Variants in PINLYP observed in about 807,000 individuals in gnomAD.
The protein encoded by PINLYP is phospholipase A2 inhibitor and LY6/PLAUR domain containing, also known as phospholipase A2 inhibitor and Ly6/PLAUR domain-containing protein.
In PINLYP, 12 loss-of-function variants were observed where a neutral mutation model predicts 15.8. The observed-to-expected ratio is 0.76, with a 90% CI of 0.49 to 1.23. The LOEUF is 1.23. Among genes scored for constraint, PINLYP ranks in the 50% most tolerant of loss-of-function variants. PINLYP has a pLI of 0.00. For missense variants in PINLYP, 278 were observed against 264.2 expected (o/e 1.05, Z -0.36); for synonymous variants, 93 against 97.7 (o/e 0.95, Z 0.28).
exon 5 of PINLYP, chr19:43,581,602 C>G (rs550204141): frequency 1.6e-5 from 25 of 1,536,610 alleles, no homozygotes; most frequent in Non-Finnish European, 2.2e-5. Context: ...CTGATGTGCC[C>G]CGCCTGCACT....
At chr19:43,580,849 C>T (rs911564899) in intron 3 of PINLYP, among the ~76,000 whole-genome samples, 45 of 152,132 alleles carry the variant, frequency 3.0e-4, no homozygotes, top group African/African-American at 1.1e-3. Context: ...CGCCTGTAAT[C>T]CCAGCACTTT....
intron 3 of PINLYP, chr19:43,580,696 C>G (rs1489593914): frequency 1.0e-6 from 1 of 985,684 alleles, no homozygotes; most frequent in Non-Finnish European, 1.2e-6. Flanking sequence ...TGGAAGAGAC[C>G]ACCAAAGGCC....
upstream of PINLYP, chr19:43,575,514 G>T (rs778792897): frequency 1.0e-5 from 16 of 1,577,048 alleles, no homozygotes; most frequent in African/African-American, 2.0e-4. Flanking sequence ...TGGGGTCCGA[G>T]GGGCAGGGAG....
At chr19:43,577,171 G>C (rs1972875863) in exon 2 of PINLYP, 1 of 1,536,060 alleles carries the variant, frequency 6.5e-7, no homozygotes, top group African/African-American at 1.4e-5. Context: ...CTGGGGACCA[G>C]GTACTGCTGA....
In PINLYP at chr19:43,577,270, C is replaced by T. The variant is rs1468314842; in HGVS notation, c.70+9C>T. 2.6e-5 allele frequency: 40 copies of T among 1,535,310 alleles called. No homozygotes were observed. The highest frequency in any genetic ancestry group is 3.4e-5 in the Non-Finnish European group (39 of 1,146,546). ...CACCCTCCTGGGTCTTGGTAAGTGA[C>T]AAGGGACCTGAACTGTCTCTGGGAC... On this transcript the variant is annotated intron_variant, in intron 2 of 5. Transcript: ENST00000599207.
At chr19:43,575,599 G>C (rs532377810), upstream of PINLYP, 5 of 773,588 alleles carry the variant, frequency 6.5e-6, no homozygotes, top group African/African-American at 1.8e-5. Flanking sequence ...TTCAAACCCC[G>C]GCGCGCCGGC....
At chr19:43,581,531 C>T in intron 4 of PINLYP, 32 bp from the exon 5 acceptor site, 3 of 1,526,440 alleles carry the variant, frequency 2.0e-6, no homozygotes, top group Middle Eastern at 1.7e-4. Flanking sequence ...TTAAACATCC[C>T]TATTCACCTT....
chr19:43,576,595 C>A (rs976195820), exon 1 of PINLYP, among the ~76,000 whole-genome samples: 4 of 152,192 alleles, frequency 2.6e-5, no homozygotes, highest in African/African-American at 9.7e-5. Context: ...CGACAGACAT[C>A]CCTCTGTTCA....
chr19:43,580,601 G>T, intron 3 of PINLYP: 2 of 903,542 alleles, frequency 2.2e-6, no homozygotes, highest in Non-Finnish European at 2.6e-6. Flanking sequence ...ATCCCGGAAG[G>T]ACAGGGAGAG....
intron 2 of PINLYP, 143 bp from the exon 3 acceptor site, chr19:43,578,447 G>T: frequency 1.2e-5 from 7 of 583,172 alleles, no homozygotes; most frequent in Non-Finnish European, 1.8e-5. Flanking sequence ...ACAGTTCCTT[G>T]GGCAGTGGTC....
At chr19:43,581,534 T>C (rs1416762258) in intron 4 of PINLYP, 29 bp from the exon 5 acceptor site, 2 of 1,527,472 alleles carry the variant, frequency 1.3e-6, no homozygotes, top group African/African-American at 2.7e-5. Flanking sequence ...AACATCCCTA[T>C]TCACCTTACA....
chr19:43,579,444 G>A (rs555446845), intron 3 of PINLYP, among the ~76,000 whole-genome samples: 16 of 151,190 alleles, frequency 1.1e-4, no homozygotes, highest in South Asian at 6.3e-4. Context: ...ACGGGGTTTC[G>A]CCATGTTGGC....
rs746670626 is a variant in PINLYP, at chr19:43,581,027, C to T, written c.188-185C>T. ...TGGAGGTTGCAGTGAGCCAAGATCGCGCCATTGCACTCCAGCCTGGGCAAC... is the reference window on the plus strand; with the variant it reads ...TGGAGGTTGCAGTGAGCCAAGATCGTGCCATTGCACTCCAGCCTGGGCAAC... On this transcript the variant is annotated intron_variant, in intron 3 of 5. Coordinates refer to ENST00000599207, the Ensembl canonical transcript of PINLYP. 618 of 673,578 alleles carry T rather than the reference C, an allele frequency of 9.2e-4. 1 individual carries two copies. The highest frequency in any genetic ancestry group is 9.7e-4 in the Non-Finnish European group (413 of 424,476). 41.7% of individuals were successfully genotyped at this position (673,578 alleles called of 1,614,324 possible). A position where few individuals can be genotyped will look rare whatever the true frequency, so the allele number is the denominator to read the frequency against.
intron 3 of PINLYP, among the ~76,000 whole-genome samples, chr19:43,579,927 G>A (rs1972909791): frequency 6.6e-6 from 1 of 151,744 alleles, no homozygotes; most frequent in African/African-American, 2.4e-5. Context: ...GAGAGAAGAT[G>A]GGCATGAGTT....
chr19:43,576,573 G>A (rs3213242), exon 1 of PINLYP, among the ~76,000 whole-genome samples: 2 of 152,052 alleles, frequency 1.3e-5, no homozygotes, highest in African/African-American at 2.4e-5. Context: ...TACTACGCCC[G>A]CCTATGACTG....
chr19:43,577,970 T>C (rs1972886030), intron 2 of PINLYP, among the ~76,000 whole-genome samples: 1 of 152,134 alleles, frequency 6.6e-6, no homozygotes. Flanking sequence ...ATTTCCTTTC[T>C]CCTTAGACTA....
At chr19:43,581,323 TCTG>T in exon 4 of PINLYP, 1 of 1,536,896 alleles carries the variant, frequency 6.5e-7, no homozygotes, top group South Asian at 1.2e-5. Flanking sequence ...ACCAGCTCCT[TCTG>T]CTGCCAGAGC....
At chr19:43,580,562 G>C (rs1356307922) in intron 3 of PINLYP, 1 of 984,870 alleles carries the variant, frequency 1.0e-6, no homozygotes, top group African/African-American at 1.8e-5. Context: ...AAGGCATGGG[G>C]GTGGCCATAG....
upstream of PINLYP, chr19:43,575,550 G>C (rs758384101): frequency 7.4e-5 from 105 of 1,414,878 alleles, no homozygotes; most frequent in Non-Finnish European, 1.2e-5. Context: ...GGTGCGCCCT[G>C]CGCTGGCTAA....
Sources: allele counts gnomAD v4.1 joint callset (sites outside exome capture counted in the v4.1 genomes callset), GRCh38; gene constraint gnomAD v4.1.1; transcripts MANE v1.5; gene names NCBI Gene and HGNC (gene_info 2026-07-23, HGNC 2026-07-21).